Variants in RIT2 observed in about 807,000 individuals in gnomAD.
RIT2 encodes Ras like without CAAX 2, also known as GTP-binding protein Rit2.
A neutral mutation model predicts 23.7 loss-of-function variants in RIT2; 24 were observed. That is an observed-to-expected ratio of 1.01 (90% CI 0.73 to 1.43). RIT2 has a LOEUF of 1.43. Among genes scored for constraint, RIT2 ranks in the 40% most tolerant of loss-of-function variants. The pLI is 0.00. For synonymous variants in RIT2, 107 were observed against 91.1 expected, an observed-to-expected ratio of 1.17 and a Z score of -0.99; for missense variants, 236 against 266.9, an observed-to-expected ratio of 0.88 and a Z score of 0.81.
intron 4 of RIT2, among the ~76,000 whole-genome samples, chr18:42,920,022 T>C (rs1251090893): frequency 6.6e-6 from 1 of 152,110 alleles, no homozygotes; most frequent in Non-Finnish European, 1.5e-5. Flanking sequence ...TTTCCAGTAA[T>C]TTTGAAACCC....
intron 4 of RIT2, among the ~76,000 whole-genome samples, chr18:42,793,582 T>C (rs1471343658): frequency 6.6e-6 from 1 of 152,038 alleles, no homozygotes; most frequent in Non-Finnish European, 1.5e-5. Context: ...CTGAATGAGA[T>C]CACCCAATAA....
intron 1 of RIT2, among the ~76,000 whole-genome samples, chr18:43,061,779 G>C (rs1912652530): frequency 6.6e-6 from 1 of 152,088 alleles, no homozygotes; most frequent in Non-Finnish European, 1.5e-5. Flanking sequence ...CTGAGAGCTA[G>C]CTTTCGGTTG....
intron 1 of RIT2, among the ~76,000 whole-genome samples, chr18:43,044,462 A>T (rs1419633956): frequency 6.6e-6 from 1 of 152,200 alleles, no homozygotes; most frequent in African/African-American, 2.4e-5. Flanking sequence ...TATTAAAGTA[A>T]TGAAGCTCAT....
chr18:42,813,457 A>G (rs1453998595), intron 4 of RIT2, among the ~76,000 whole-genome samples: 1 of 152,084 alleles, frequency 6.6e-6, no homozygotes, highest in Non-Finnish European at 1.5e-5. Flanking sequence ...TTTATGTTTT[A>G]TTCTTTTAAG....
intron 4 of RIT2, among the ~76,000 whole-genome samples, chr18:42,869,219 C>T (rs956788793): frequency 1.3e-5 from 2 of 152,290 alleles, no homozygotes; most frequent in African/African-American, 4.8e-5. Flanking sequence ...TCATATCAGG[C>T]GTTAGATTCT....
chr18:43,071,317 C>A (rs922871996), intron 1 of RIT2, among the ~76,000 whole-genome samples: 1 of 152,144 alleles, frequency 6.6e-6, no homozygotes, highest in Non-Finnish European at 1.5e-5. Context: ...CAACTCTAAG[C>A]TGTATATATC....
intron 2 of RIT2, among the ~76,000 whole-genome samples, chr18:43,026,708 G>A (rs1911740850): frequency 1.3e-5 from 2 of 150,256 alleles, no homozygotes; most frequent in Non-Finnish European, 3.0e-5. Flanking sequence ...AGAACCAGAA[G>A]TCAGCTTTGA....
At chr18:43,059,126 G>A (rs900236235) in intron 1 of RIT2, among the ~76,000 whole-genome samples, 4 of 151,858 alleles carry the variant, frequency 2.6e-5, no homozygotes, top group African/African-American at 7.3e-5. Flanking sequence ...AAAGAGGAAT[G>A]ACATGATCAT....
intron 3 of RIT2, among the ~76,000 whole-genome samples, chr18:42,925,112 C>G (rs1162376474): frequency 2.0e-5 from 3 of 152,056 alleles, no homozygotes; most frequent in Non-Finnish European, 4.4e-5. Context: ...TGTTACCTGA[C>G]TCACACTGTA....
chr18:43,087,685 TA>T (rs1913318325), intron 1 of RIT2, among the ~76,000 whole-genome samples: 3 of 152,316 alleles, frequency 2.0e-5, no homozygotes, highest in African/African-American at 7.2e-5. Context: ...TAGTTTCAGG[TA>T]AGAGTCTGAG....
chr18:42,940,236 CTATATA>C (rs5824460), intron 3 of RIT2, among the ~76,000 whole-genome samples: 945 of 86,956 alleles, frequency 0.011, 16 homozygotes, highest in Middle Eastern at 0.032. Context: ...GAAAGGCTCA[CTATATA>C]TATATATATA....
intron 4 of RIT2, among the ~76,000 whole-genome samples, chr18:42,878,565 CTGTG>C (rs71371607): frequency 0.3 from 43,737 of 147,382 alleles, 6,835 homozygotes; most frequent in African/African-American, 0.43. Flanking sequence ...AGATTCAACT[CTGTG>C]TGTGTGTGTG....
chr18:42,921,491 A>G (rs983857676), intron 4 of RIT2, among the ~76,000 whole-genome samples: 2 of 152,142 alleles, frequency 1.3e-5, no homozygotes, highest in African/African-American at 4.8e-5. Flanking sequence ...CAGCTAATTA[A>G]CCAGGCTGGG....
intron 3 of RIT2, among the ~76,000 whole-genome samples, chr18:42,936,246 C>T (rs1485861855): frequency 6.6e-6 from 1 of 152,046 alleles, no homozygotes; most frequent in Admixed American, 6.6e-5. Context: ...TGCTAAATAA[C>T]CAAATAAATA....
intron 4 of RIT2, among the ~76,000 whole-genome samples, chr18:42,814,807 G>A (rs184484824): frequency 3.0e-4 from 45 of 152,254 alleles, no homozygotes; most frequent in African/African-American, 8.4e-4. Context: ...AACCCTTACA[G>A]AGTCCATTCT....
chr18:42,823,859 T>A (rs1906222093), intron 4 of RIT2, among the ~76,000 whole-genome samples: 1 of 152,132 alleles, frequency 6.6e-6, no homozygotes, highest in East Asian at 1.9e-4. Flanking sequence ...TTGAAGCTCA[T>A]GCTCTCCCTA....
rs559160470 is a variant in RIT2, at chr18:42,899,946, A to G, written c.426+23626T>C. ...CATTGTATTACATATACAATCTAATATATTATTAAATTGAGCAAGTTAGTT... is the reference window on the plus strand; with the variant it reads ...CATTGTATTACATATACAATCTAATGTATTATTAAATTGAGCAAGTTAGTT... On this transcript the variant is annotated intron_variant, in intron 4 of 4. Coordinates refer to ENST00000326695, the MANE Select transcript of RIT2 (RefSeq NM_002930.4). 1.4e-4 allele frequency among the ~76,000 whole-genome samples: 21 copies of G among 152,236 alleles called. No homozygotes were observed. In the South Asian group the frequency reaches 3.7e-3, roughly 27 times the overall value.
At chr18:42,804,561 T>TA (rs564202513) in intron 4 of RIT2, among the ~76,000 whole-genome samples, 7,442 of 52,768 alleles carry the variant, frequency 0.14, 349 homozygotes, top group East Asian at 0.28. Flanking sequence ...GCCTCAAAAC[T>TA]AAAAAAAAAA....
intron 3 of RIT2, among the ~76,000 whole-genome samples, chr18:42,946,733 AT>A (rs1237081514): frequency 6.6e-6 from 1 of 151,928 alleles, no homozygotes; most frequent in Non-Finnish European, 1.5e-5. Context: ...AAATAATATC[AT>A]TTTTGCTACA....
Sources: gnomAD v4.1 joint callset for allele counts (sites outside exome capture counted in the v4.1 genomes callset) on GRCh38, gnomAD v4.1.1 for gene constraint, MANE v1.5 for transcripts, NCBI Gene and HGNC (gene_info 2026-07-23, HGNC 2026-07-21) for gene names.